FNDC3A: variants seen among roughly 807,000 people sequenced by gnomAD.
FNDC3A encodes fibronectin type-III domain-containing protein 3A.
In FNDC3A, 32 loss-of-function variants were observed where a neutral mutation model predicts 148.9. That is an observed-to-expected ratio of 0.21 (90% CI 0.16 to 0.29). The LOEUF (loss-of-function observed/expected upper bound fraction) is 0.29. Among genes scored for constraint, FNDC3A ranks in the 10% least tolerant of loss-of-function variants. FNDC3A has a pLI of 1.00. For missense variants in FNDC3A, 1,191 were observed against 1,452.8 expected (o/e 0.82, Z 2.93); for synonymous variants, 472 against 473.6 (o/e 1.00, Z 0.04).
intron 3 of FNDC3A, among the ~76,000 whole-genome samples, chr13:49,080,741 G>A (rs1174722627): frequency 6.6e-6 from 1 of 152,118 alleles, no homozygotes; most frequent in African/African-American, 2.4e-5. Flanking sequence ...TAGGGAATTA[G>A]GCAAGGTTTC....
At chr13:49,008,922 C>T in intron 2 of FNDC3A, among the ~76,000 whole-genome samples, 1 of 116,014 alleles carries the variant, frequency 8.6e-6, no homozygotes, top group East Asian at 2.2e-4. Context: ...CACCTCTTCT[C>T]CACAGTTTCT....
At chr13:49,001,505 CAG>C (rs1593455521) in intron 1 of FNDC3A, among the ~76,000 whole-genome samples, 1 of 152,312 alleles carries the variant, frequency 6.6e-6, no homozygotes, top group East Asian at 1.9e-4. Flanking sequence ...CTGGGCAGAA[CAG>C]AGCCATATTT....
At chr13:49,110,213 T>TC (rs201831815) in intron 3 of FNDC3A, 67 of 584,284 alleles carry the variant, frequency 1.1e-4, no homozygotes, top group African/African-American at 7.2e-4. Flanking sequence ...TGCTTTTTTT[T>TC]CCCCCTTGCC....
intron 2 of FNDC3A, among the ~76,000 whole-genome samples, chr13:49,013,621 C>T (rs908142564): frequency 2.1e-4 from 32 of 150,992 alleles, no homozygotes; most frequent in South Asian, 4.2e-4. Flanking sequence ...CATGTGTACA[C>T]GTGTATACAT....
chr13:49,072,880 T>C (rs1240330181), intron 2 of FNDC3A, among the ~76,000 whole-genome samples: 1 of 152,218 alleles, frequency 6.6e-6, no homozygotes, highest in Non-Finnish European at 1.5e-5. Flanking sequence ...TTTAGGTTTT[T>C]CTAAGTATAA....
At chr13:49,132,156 A>T (rs1257408623) in intron 5 of FNDC3A, among the ~76,000 whole-genome samples, 1 of 151,964 alleles carries the variant, frequency 6.6e-6, no homozygotes, top group East Asian at 1.9e-4. Flanking sequence ...ATTTTCTGAA[A>T]TTTTTTTTAC....
intron 8 of FNDC3A, among the ~76,000 whole-genome samples, chr13:49,163,193 A>C (rs1884261749): frequency 6.6e-6 from 1 of 152,228 alleles, no homozygotes; most frequent in Non-Finnish European, 1.5e-5. Flanking sequence ...TGAAGTCTGC[A>C]GAAGTTTCTG....
At chr13:49,006,018 G>A in intron 1 of FNDC3A, 134 bp from the exon 2 acceptor site, 2 of 412,976 alleles carry the variant, frequency 4.8e-6, no homozygotes, top group Non-Finnish European at 8.6e-6. Flanking sequence ...AAAAAAAGCA[G>A]TCAACAGAGT....
intron 3 of FNDC3A, among the ~76,000 whole-genome samples, chr13:49,109,831 G>C (rs1333017287): frequency 6.6e-6 from 1 of 152,178 alleles, no homozygotes. Flanking sequence ...TGAGACACAT[G>C]TCTATCAAAC....
intron 1 of FNDC3A, among the ~76,000 whole-genome samples, chr13:48,997,900 T>TAAA (rs757898281): frequency 3.6e-5 from 5 of 139,190 alleles, no homozygotes; most frequent in Admixed American, 1.4e-4. Context: ...GTGTGTGCAT[T>TAAA]AAAAAAAAAA....
intron 25 of FNDC3A, among the ~76,000 whole-genome samples, chr13:49,205,653 C>T (rs1886612294): frequency 6.6e-6 from 1 of 152,094 alleles, no homozygotes; most frequent in Non-Finnish European, 1.5e-5. Flanking sequence ...AAGGGATACC[C>T]AACCTGTACC....
chr13:48,989,783 C>T (rs1470074489), intron 1 of FNDC3A, among the ~76,000 whole-genome samples: 1 of 149,794 alleles, frequency 6.7e-6, no homozygotes, highest in African/African-American at 2.5e-5. Flanking sequence ...GACAAAGTCT[C>T]GCTCTTTTGC....
chr13:49,199,398 G>T (rs952567331), intron 23 of FNDC3A, among the ~76,000 whole-genome samples: 14 of 150,900 alleles, frequency 9.3e-5, no homozygotes, highest in Admixed American at 8.6e-4. Flanking sequence ...CGCGATCTCG[G>T]CTCACTGCAA....
intron 8 of FNDC3A, among the ~76,000 whole-genome samples, chr13:49,161,695 T>C (rs1392975734): frequency 1.3e-5 from 2 of 152,252 alleles, no homozygotes; most frequent in African/African-American, 4.8e-5. Flanking sequence ...AGTTTCTTCC[T>C]AGCATCGATG....
intron 20 of FNDC3A, among the ~76,000 whole-genome samples, chr13:49,197,398 G>A (rs1886206234): frequency 6.6e-6 from 1 of 150,790 alleles, no homozygotes. Flanking sequence ...AGTTCCCTTT[G>A]AAATTTAACA....
At chr13:49,013,868 G>A (rs1952428364) in intron 2 of FNDC3A, among the ~76,000 whole-genome samples, 1 of 151,022 alleles carries the variant, frequency 6.6e-6, no homozygotes, top group East Asian at 2.0e-4. Context: ...TGTTCTTGCA[G>A]TAGTTTACTG....
intron 23 of FNDC3A, among the ~76,000 whole-genome samples, chr13:49,201,454 G>A (rs979956393): frequency 1.3e-5 from 2 of 152,068 alleles, no homozygotes; most frequent in African/African-American, 4.8e-5. Flanking sequence ...AATGAAAATT[G>A]TGATGTTCTG....
chr13:49,095,758 AC>A (rs1177364674), intron 3 of FNDC3A, among the ~76,000 whole-genome samples: 12 of 152,050 alleles, frequency 7.9e-5, no homozygotes, highest in Admixed American at 2.6e-4. Context: ...AAGCATTCTA[AC>A]CCAGGGGCAA....
intron 2 of FNDC3A, among the ~76,000 whole-genome samples, chr13:49,066,981 GAGA>G (rs557798249): frequency 2.4e-4 from 36 of 152,028 alleles, no homozygotes; most frequent in Non-Finnish European, 4.4e-4. Context: ...AATTACCTCG[GAGA>G]AGACTTTATG....
Sources: allele counts gnomAD v4.1 joint callset (sites outside exome capture counted in the v4.1 genomes callset), GRCh38; gene constraint gnomAD v4.1.1; transcripts MANE v1.5; gene names NCBI Gene and HGNC (gene_info 2026-07-23, HGNC 2026-07-21).